NEK10: variants seen among roughly 807,000 people sequenced by gnomAD.
NEK10 encodes serine/threonine-protein kinase Nek10.
In NEK10, 122 loss-of-function variants were observed where a neutral mutation model predicts 159.8. The observed-to-expected ratio is 0.76, with a 90% confidence interval of 0.66 to 0.89. The LOEUF is 0.89. Ranked by LOEUF, NEK10 falls within the 40% of genes least tolerant of loss-of-function variation. NEK10 has a pLI of 0.00. For synonymous variants in NEK10, 466 were observed against 457.1 expected, an observed-to-expected ratio of 1.02 and a Z score of -0.25; for missense variants, 1,342 against 1,323.1, an observed-to-expected ratio of 1.01 and a Z score of -0.22.
Position 27,110,207 on chromosome 3 carries a change from G to C in NEK10, c.*1065C>G, listed in dbSNP as rs542186899. On this transcript the variant is annotated 3_prime_UTR_variant, in exon 36 of 36. Transcript: ENST00000691995. ...AAGGGTATTTCTTGACATTACACCA[G>C]AGTTTTAAGAAGCTGATTGAAGAGA... The C allele has an allele frequency of 1.1e-4, 16 of 148,188 alleles. 1 individual carries two copies. Among genetic ancestry groups the C allele is most frequent in the Middle Eastern group, 3.7e-3 (1 of 270 alleles). The allele number at this position is 148,188 out of a possible 1,614,324, so 9.2% of individuals were successfully genotyped here.
chr3:27,311,831 A>G, intron 8 of NEK10: 1 of 413,544 alleles, frequency 2.4e-6, no homozygotes, highest in Admixed American at 4.3e-5. Flanking sequence ...AAAAGACGCA[A>G]AAATAGATTT....
Position 27,201,496 on chromosome 3 carries a change from G to T in NEK10, c.2291+14C>A, listed in dbSNP as rs147187962. On this transcript the variant is annotated intron_variant, in intron 25 of 35. Coordinates refer to ENST00000691995, the MANE Select transcript of NEK10 (RefSeq NM_001394966.1). ...TGATTGTCCCTACATGTCTGAAGCC[G>T]CAAGACTAATTACCTGCTGATGGTG... 1.2e-6 allele frequency: 2 copies of T among 1,610,866 alleles called. No homozygotes were observed. Among genetic ancestry groups the T allele is most frequent in the Non-Finnish European group, 1.7e-6 (2 of 1,177,584 alleles).
intron 26 of NEK10, among the ~76,000 whole-genome samples, chr3:27,187,526 C>T (rs975356254): frequency 2.0e-5 from 3 of 151,992 alleles, no homozygotes; most frequent in Admixed American, 6.6e-5. Context: ...GTAAGAGAGG[C>T]AGAACCTTTA....
chr3:27,328,661 G>A (rs2046186449), intron 5 of NEK10, among the ~76,000 whole-genome samples: 1 of 152,170 alleles, frequency 6.6e-6, no homozygotes, highest in African/African-American at 2.4e-5. Flanking sequence ...TTTTATCCAG[G>A]GAAGTCACTG....
chr3:27,134,737 A>T (rs967925360), intron 31 of NEK10, among the ~76,000 whole-genome samples: 1 of 152,220 alleles, frequency 6.6e-6, no homozygotes, highest in Non-Finnish European at 1.5e-5. Flanking sequence ...TGGAATAATT[A>T]TTACAATGGA....
At position 27,130,127 on chromosome 3, in the gene NEK10, C is replaced by G. The variant is rs149171539; in HGVS notation, c.3081+1753G>C. ...ATGAGCCCTAAAGCAATATATAGGGCCTTTCCCTACCTAAAGGTCCATACA... is the reference window on the plus strand; with the variant it reads ...ATGAGCCCTAAAGCAATATATAGGGGCTTTCCCTACCTAAAGGTCCATACA... On this transcript the variant is annotated intron_variant, in intron 32 of 35. Transcript: ENST00000691995. Among the ~76,000 whole-genome samples the G allele has an allele frequency of 4.7e-3, 715 of 152,072 alleles. 6 individuals are homozygous for G. The highest frequency in any genetic ancestry group is 0.016 in the African/African-American group (679 of 41,488).
At chr3:27,203,114 C>A (rs1000288977) in intron 23 of NEK10, among the ~76,000 whole-genome samples, 2 of 152,168 alleles carry the variant, frequency 1.3e-5, no homozygotes, top group African/African-American at 4.8e-5. Flanking sequence ...TCCACCCTTG[C>A]AGCCTGGGCC....
chr3:27,112,107 A>AG, intron 35 of NEK10, among the ~76,000 whole-genome samples: 1 of 152,074 alleles, frequency 6.6e-6, no homozygotes, highest in South Asian at 2.1e-4. Context: ...TCCTGTTACC[A>AG]TTTTCTTTTC....
intron 19 of NEK10, among the ~76,000 whole-genome samples, chr3:27,290,396 G>A (rs540938865): frequency 3.9e-5 from 6 of 152,252 alleles, no homozygotes; most frequent in South Asian, 2.1e-4. Flanking sequence ...CTGTAAATCC[G>A]ATTGTTTTGC....
At chr3:27,160,728 A>G (rs775928835) in intron 30 of NEK10, among the ~76,000 whole-genome samples, 2 of 152,096 alleles carry the variant, frequency 1.3e-5, no homozygotes, top group Non-Finnish European at 2.9e-5. Context: ...CAATATGGAG[A>G]AACCCCATCT....
rs2040555261 is a variant in NEK10 at position 27,263,058 on chromosome 3, CTGT to C, written c.2015-6690_2015-6688del. Among the ~76,000 whole-genome samples the C allele has an allele frequency of 3.9e-5, 6 of 152,362 alleles. No individual in the cohort carries two copies. The South Asian group carries it at 1.2e-3, about 32-fold the overall frequency. ...ACAGTCAGGACCCTCAGCTGCAGGTCTGTTGGAGTTTGCTGGAGGTCTACTCCA... is the reference window on the plus strand; with the variant it reads ...ACAGTCAGGACCCTCAGCTGCAGGTCTGGAGTTTGCTGGAGGTCTACTCCA... On this transcript the variant is annotated intron_variant, in intron 22 of 35. Transcript: ENST00000691995.
intron 12 of NEK10, among the ~76,000 whole-genome samples, chr3:27,303,085 G>C (rs924911201): frequency 2.0e-5 from 3 of 152,118 alleles, no homozygotes; most frequent in Non-Finnish European, 4.4e-5. Flanking sequence ...AAAAGAAACT[G>C]TTTATCCAGC....
intron 31 of NEK10, among the ~76,000 whole-genome samples, chr3:27,133,036 A>C (rs186831856): frequency 1.2e-4 from 19 of 152,312 alleles, no homozygotes; most frequent in African/African-American, 4.3e-4. Context: ...TTGGTCAATA[A>C]AAATGATGTG....
intron 23 of NEK10, among the ~76,000 whole-genome samples, chr3:27,244,480 C>A (rs1266809211): frequency 6.6e-6 from 1 of 152,102 alleles, no homozygotes. Flanking sequence ...TTAAAGTGAG[C>A]ACAATATTAA....
intron 3 of NEK10, among the ~76,000 whole-genome samples, chr3:27,347,258 T>A (rs2047622468): frequency 6.6e-6 from 1 of 152,142 alleles, no homozygotes; most frequent in African/African-American, 2.4e-5. Flanking sequence ...CTCATGCCTG[T>A]AATCCCAGCA....
chr3:27,125,896 T>G (rs1941887176), intron 32 of NEK10, among the ~76,000 whole-genome samples: 1 of 152,094 alleles, frequency 6.6e-6, no homozygotes, highest in Non-Finnish European at 1.5e-5. Flanking sequence ...CAGGAGCTCA[T>G]CCTCCCAGGA....
chr3:27,355,599 A>G (rs540431363), intron 1 of NEK10, among the ~76,000 whole-genome samples: 20 of 151,910 alleles, frequency 1.3e-4, no homozygotes, highest in Admixed American at 3.3e-4. Context: ...CACTCCTACT[A>G]TCACCCTACT....
intron 1 of NEK10, among the ~76,000 whole-genome samples, chr3:27,362,986 A>T (rs2048794245): frequency 6.6e-6 from 1 of 152,142 alleles, no homozygotes; most frequent in Non-Finnish European, 1.5e-5. Context: ...ATGCCCTTAT[A>T]TGCTTCCCAT....
intron 3 of NEK10, among the ~76,000 whole-genome samples, chr3:27,346,895 A>G (rs2047592121): frequency 6.6e-6 from 1 of 152,226 alleles, no homozygotes; most frequent in Admixed American, 6.5e-5. Context: ...CAACTTCACT[A>G]TGCTTCACTT....
Sources: gnomAD v4.1 joint callset for allele counts (sites outside exome capture counted in the v4.1 genomes callset) on GRCh38, gnomAD v4.1.1 for gene constraint, MANE v1.5 for transcripts, NCBI Gene and HGNC (gene_info 2026-07-23, HGNC 2026-07-21) for gene names.